Variants in WDR25 observed in about 807,000 individuals in gnomAD.
WDR25 encodes WD repeat-containing protein 25.
In WDR25, 35 loss-of-function variants were observed where a neutral mutation model predicts 47.7. The ratio of observed to expected loss-of-function variants is 0.73; its 90% CI spans 0.56 to 0.97. The LOEUF (loss-of-function observed/expected upper bound fraction) is 0.97. Among genes scored for constraint, WDR25 ranks in the 50% least tolerant of loss-of-function variants. WDR25 has a pLI of 0.00. For missense variants in WDR25, 634 were observed against 704.7 expected (o/e 0.90, Z 1.14); for synonymous variants, 248 against 278.9 (o/e 0.89, Z 1.10).
intron 3 of WDR25, among the ~76,000 whole-genome samples, chr14:100,478,263 C>T (rs1018216575): frequency 1.5e-4 from 23 of 152,186 alleles, no homozygotes; most frequent in Admixed American, 1.3e-4. Flanking sequence ...CTTCATGCAC[C>T]GCGTTACATT....
chr14:100,464,654 TC>T (rs1693641465), intron 2 of WDR25, among the ~76,000 whole-genome samples: 1 of 141,694 alleles, frequency 7.1e-6, no homozygotes, highest in Non-Finnish European at 1.5e-5. Flanking sequence ...GCATTTCATC[TC>T]CCCCACCCCA....
intron 2 of WDR25, among the ~76,000 whole-genome samples, chr14:100,389,775 T>C (rs1897098036): frequency 1.3e-5 from 2 of 152,220 alleles, no homozygotes; most frequent in South Asian, 4.1e-4. Flanking sequence ...GCCCTAGAAC[T>C]CTGCTTTGCC....
intron 2 of WDR25, among the ~76,000 whole-genome samples, chr14:100,422,451 C>T (rs749336155): frequency 1.3e-5 from 2 of 152,144 alleles, no homozygotes; most frequent in Non-Finnish European, 2.9e-5. Context: ...AGGCTGCCTC[C>T]CATTCAGGGC....
chr14:100,480,384 T>C (rs1326343208), intron 3 of WDR25, among the ~76,000 whole-genome samples: 1 of 152,194 alleles, frequency 6.6e-6, no homozygotes, highest in Non-Finnish European at 1.5e-5. Context: ...GAGGTATAGA[T>C]TCTTCATTTA....
intron 4 of WDR25, among the ~76,000 whole-genome samples, chr14:100,516,098 A>AT (rs1347500673): frequency 1.3e-5 from 2 of 150,972 alleles, no homozygotes; most frequent in African/African-American, 4.9e-5. Flanking sequence ...GGTATTCAGT[A>AT]TTTTGTTGTG....
chr14:100,519,792 CTATATGTA>C (rs1191068514), intron 4 of WDR25, among the ~76,000 whole-genome samples: 69 of 132,686 alleles, frequency 5.2e-4, no homozygotes, highest in Admixed American at 2.0e-3. Flanking sequence ...ATATACTATA[CTATATGTA>C]TATATGTATA....
At chr14:100,521,907 A>AC (rs2029886201) in intron 4 of WDR25, among the ~76,000 whole-genome samples, 1 of 151,896 alleles carries the variant, frequency 6.6e-6, no homozygotes, top group African/African-American at 2.4e-5. Context: ...GATACCTAAC[A>AC]CCCCCAGAGC....
chr14:100,510,018 C>T (rs1301288188), intron 4 of WDR25, among the ~76,000 whole-genome samples: 1 of 151,796 alleles, frequency 6.6e-6, no homozygotes, highest in Middle Eastern at 3.4e-3. Context: ...CACCTGTAAC[C>T]CCAGCACTTT....
chr14:100,433,183 G>A (rs1263286637), intron 2 of WDR25, among the ~76,000 whole-genome samples: 1 of 152,252 alleles, frequency 6.6e-6, no homozygotes. Context: ...TCATGGTCAT[G>A]TGTTCCCTTC....
rs549252245 is a variant in WDR25, at chr14:100,399,964, A to G, written c.822+18218A>G. Among the ~76,000 whole-genome samples, 23 of 152,350 alleles carry G rather than the reference A, an allele frequency of 1.5e-4. No homozygotes were observed. In the South Asian group the frequency reaches 4.3e-3, roughly 29 times the overall value. On this transcript the variant is annotated intron_variant, in intron 2 of 6. Transcript: ENST00000402312. Reference sequence around the variant, plus strand: ...AGGTTCCAGGAATAACTTAAGTTACACATGGGAGAGGGTTAGATGCATTTG... The same window carrying G: ...AGGTTCCAGGAATAACTTAAGTTACGCATGGGAGAGGGTTAGATGCATTTG...
chr14:100,511,927 C>T (rs1901324063), intron 4 of WDR25, among the ~76,000 whole-genome samples: 1 of 152,116 alleles, frequency 6.6e-6, no homozygotes, highest in South Asian at 2.1e-4. Context: ...AATATTAGAA[C>T]AGCCTTGCAT....
At chr14:100,379,631 A>G (rs1327531406) in intron 1 of WDR25, among the ~76,000 whole-genome samples, 3 of 151,768 alleles carry the variant, frequency 2.0e-5, no homozygotes, top group Non-Finnish European at 4.4e-5. Flanking sequence ...CAGGTGATCC[A>G]CCAACCTTGG....
At position 100,431,509 on chromosome 14, in the gene WDR25, T is replaced by C. The variant is rs1898334089; in HGVS notation, c.823-36512T>C. 2.0e-5 allele frequency among the ~76,000 whole-genome samples: 3 copies of C among 152,182 alleles called. 1 individual carries two copies. The South Asian group carries it at 6.2e-4, about 32-fold the overall frequency. On this transcript the variant is annotated intron_variant, in intron 2 of 6. Coordinates refer to ENST00000402312, the MANE Select transcript of WDR25 (RefSeq NM_001161476.3). ...AGAATATGACAGTTGGAGAGCCTGT[T>C]TGGCCTAGAGAAATATGCATGCATT...
At chr14:100,399,531 C>T (rs1402617872) in intron 2 of WDR25, among the ~76,000 whole-genome samples, 1 of 152,162 alleles carries the variant, frequency 6.6e-6, no homozygotes, top group Non-Finnish European at 1.5e-5. Flanking sequence ...TTCCGTCCCC[C>T]TGTGCCCCTC....
intron 4 of WDR25, among the ~76,000 whole-genome samples, chr14:100,517,106 G>GTTTTTTTT (rs796096587): frequency 1.1e-4 from 7 of 65,890 alleles, no homozygotes; most frequent in African/African-American, 4.3e-4. Context: ...TATCTCCTCT[G>GTTTTTTTT]TTTTTTTTTT....
chr14:100,413,534 C>T lies in WDR25; in HGVS notation c.822+31788C>T, dbSNP rs1897774210. On this transcript the variant is annotated intron_variant, in intron 2 of 6. Coordinates refer to ENST00000402312, the MANE Select transcript of WDR25 (RefSeq NM_001161476.3). ...GTTCACGCCATTCTCCTGCCTCAGC[C>T]TCCCGAGTAGCTGGGACTACAGGCG... Among the ~76,000 whole-genome samples the T allele has an allele frequency of 2.0e-5, 3 of 152,078 alleles. No individual in the cohort carries two copies. The South Asian group carries it at 6.2e-4, about 32-fold the overall frequency.
rs569387613 is a variant in WDR25 at position 100,407,877 on chromosome 14, C to G, written c.822+26131C>G. Among the ~76,000 whole-genome samples, 2 of 152,250 alleles carry G rather than the reference C, an allele frequency of 1.3e-5. No individual in the cohort carries two copies. Among genetic ancestry groups the G allele is most frequent in the East Asian group, 3.9e-4 (2 of 5,178 alleles). ...GTGTATTGTCTGTGAGTGTGCTGGG[C>G]TCCCAGACACATATGTCACAGTGAG... On this transcript the variant is annotated intron_variant, in intron 2 of 6. Transcript: ENST00000402312. The surrounding 1 kb of genome is among the most constrained non-coding windows in gnomAD (Gnocchi z 4.1).
rs1898960797 is a variant in WDR25 at position 100,449,721 on chromosome 14, A to AT, written c.823-18296dup. Among the ~76,000 whole-genome samples, 1 of 152,202 alleles carries AT rather than the reference A, an allele frequency of 6.6e-6. No individual in the cohort carries two copies. The highest frequency in any genetic ancestry group is 2.4e-5 in the African/African-American group (1 of 41,458). ...GCACGTGCATGAAGCAGACAGAGTG[A>AT]TTTTAACGCAGCTCCTTGTCCTGGC... On this transcript the variant is annotated intron_variant, in intron 2 of 6. Transcript: ENST00000402312. This position sits in a 1 kb window ranked among gnomAD's most constrained non-coding sequence, Gnocchi z 4.2.
intron 2 of WDR25, among the ~76,000 whole-genome samples, chr14:100,400,318 CCCCTCGG>C (rs1897347441): frequency 6.6e-6 from 1 of 152,192 alleles, no homozygotes; most frequent in Non-Finnish European, 1.5e-5. Flanking sequence ...GCTTTGTGGT[CCCCTCGG>C]AGGGCTGTTG....
Sources: allele counts gnomAD v4.1 joint callset (sites outside exome capture counted in the v4.1 genomes callset), GRCh38; gene constraint gnomAD v4.1.1; non-coding constraint Gnocchi (gnomAD v3.1); transcripts MANE v1.5; gene names NCBI Gene and HGNC (gene_info 2026-07-23, HGNC 2026-07-21).